STRBP: variants seen among roughly 807,000 people sequenced by gnomAD.
STRBP encodes spermatid perinuclear RNA binding protein, also known as spermatid perinuclear RNA-binding protein.
Under a neutral mutation model 80.1 loss-of-function variants are expected in STRBP, and 13 were observed. That is an observed-to-expected ratio of 0.16 (90% CI 0.11 to 0.26). The LOEUF (loss-of-function observed/expected upper bound fraction) is 0.26. Ranked by LOEUF, STRBP falls within the 10% of genes least tolerant of loss-of-function variation. The pLI is 1.00. For missense variants in STRBP, 485 were observed against 815.2 expected (o/e 0.59, Z 4.93); for synonymous variants, 284 against 291.2 (o/e 0.98, Z 0.25).
intron 8 of STRBP, among the ~76,000 whole-genome samples, chr9:123,160,030 G>C (rs775918119): frequency 5.3e-5 from 8 of 152,156 alleles, no homozygotes; most frequent in African/African-American, 7.2e-5. Flanking sequence ...GTCAGCCAAG[G>C]AGACTTTTGT....
Position 123,115,218 on chromosome 9 carries a change from G to A in STRBP, c.*84+711C>T, listed in dbSNP as rs1564204362. The A allele has an allele frequency of 2.1e-6, 1 of 471,022 alleles. No individual in the cohort carries two copies. Among genetic ancestry groups the A allele is most frequent in the Admixed American group, 2.3e-5 (1 of 42,578 alleles). 29.2% of individuals were successfully genotyped at this position (471,022 alleles called of 1,614,324 possible). On this transcript the variant is annotated intron_variant and NMD_transcript_variant, in intron 3 of 3. Transcript: ENST00000471564. The surrounding 1 kb of genome is among the most constrained non-coding windows in gnomAD (Gnocchi z 5.0). ...GGGCACACTCTCTCTGTGCATGCAT[G>A]CCAGGCCCGCCTCTGACTCCCCTCC...
intron 17 of STRBP, among the ~76,000 whole-genome samples, chr9:123,131,332 G>A (rs1036939382): frequency 2.0e-5 from 3 of 152,162 alleles, no homozygotes; most frequent in South Asian, 4.2e-4. Flanking sequence ...TCCAAACAAC[G>A]GCCTCCAGGT....
At chr9:123,208,455 G>C (rs551401776) in intron 2 of STRBP, among the ~76,000 whole-genome samples, 15 of 152,270 alleles carry the variant, frequency 9.9e-5, no homozygotes, top group Middle Eastern at 6.8e-3. Context: ...GAGGGTCCTA[G>C]AGTAGGACTT....
intron 1 of STRBP, among the ~76,000 whole-genome samples, chr9:123,242,219 T>C (rs145728774): frequency 4.5e-4 from 68 of 152,368 alleles, no homozygotes; most frequent in African/African-American, 1.6e-3. Flanking sequence ...TAGCACTTAA[T>C]TGAGGTATAT....
rs866969604 is a variant in STRBP, at chr9:123,263,690, G to A, written c.-302+4746C>T. Among the ~76,000 whole-genome samples, 8 of 152,100 alleles carry A rather than the reference G, an allele frequency of 5.3e-5. No homozygotes were observed. The Middle Eastern group carries it at 0.01, about 194-fold the overall frequency. ...TAGAGCATTACCTGTCAAAGCATACGGAAATACCAAATGATGGGTAATTAT... is the reference window on the plus strand; with the variant it reads ...TAGAGCATTACCTGTCAAAGCATACAGAAATACCAAATGATGGGTAATTAT... On this transcript the variant is annotated intron_variant, in intron 1 of 18. Coordinates refer to ENST00000348403, the MANE Select transcript of STRBP (RefSeq NM_018387.5).
chr9:123,187,757 C>G (rs544956808), intron 2 of STRBP, among the ~76,000 whole-genome samples: 2 of 93,392 alleles, frequency 2.1e-5, no homozygotes, highest in African/African-American at 8.5e-5. Context: ...CTCCCCACCA[C>G]CCACCACACA....
chr9:123,137,002 C>G (rs1264882611), intron 14 of STRBP, among the ~76,000 whole-genome samples: 3 of 152,174 alleles, frequency 2.0e-5, no homozygotes, highest in Non-Finnish European at 2.9e-5. Flanking sequence ...AAGGTAAAAA[C>G]AGTTGGCTAT....
At chr9:123,179,669 A>C (rs2038371839) in intron 3 of STRBP, among the ~76,000 whole-genome samples, 1 of 150,528 alleles carries the variant, frequency 6.6e-6, no homozygotes, top group Non-Finnish European at 1.5e-5. Flanking sequence ...CCAGCTACTG[A>C]GGAGGCAGAG....
intron 7 of STRBP, among the ~76,000 whole-genome samples, 178 bp from the exon 8 acceptor site, chr9:123,160,640 G>T (rs888839545): frequency 1.3e-5 from 2 of 152,072 alleles, no homozygotes; most frequent in Non-Finnish European, 2.9e-5. Context: ...AAAAATAAAA[G>T]GACCATAATA....
chr9:123,163,848 AAATTTT>A (rs1378627728), intron 6 of STRBP, among the ~76,000 whole-genome samples: 2 of 152,182 alleles, frequency 1.3e-5, no homozygotes, highest in African/African-American at 4.8e-5. Context: ...GTAGGCGTTT[AAATTTT>A]GAGGAGGATC....
In STRBP at chr9:123,110,366, C is replaced by G. The variant is rs1178369363; in HGVS notation, c.*85-613G>C. 6.0e-6 allele frequency: 1 copy of G among 167,366 alleles called. No homozygotes were observed. Among genetic ancestry groups the G allele is most frequent in the Non-Finnish European group, 1.5e-5 (1 of 68,202 alleles). 10.4% of individuals were successfully genotyped at this position (167,366 alleles called of 1,614,324 possible). On this transcript the variant is annotated intron_variant and NMD_transcript_variant, in intron 3 of 3. Transcript: ENST00000471564. This position sits in a 1 kb window ranked among gnomAD's most constrained non-coding sequence, Gnocchi z 4.1. ...CTGCCAAAGTACCCTTGGGAACAGG[C>G]CCATCAGCCTCACTGTTCCTGGAAG...
At chr9:123,174,786 A>G (rs16926223) in intron 4 of STRBP, among the ~76,000 whole-genome samples, 2,162 of 152,320 alleles carry the variant, frequency 0.014, 51 homozygotes, top group African/African-American at 0.049. Context: ...CAAAGAAATC[A>G]AGTCATAAAT....
At position 123,123,342 on chromosome 9, in the gene STRBP, G is replaced by C. The variant is rs757480152; in HGVS notation, c.*2255C>G. 3 of 985,212 alleles carry C rather than the reference G, an allele frequency of 3.0e-6. No individual in the cohort carries two copies. The Admixed American group carries it at 1.8e-4, about 61-fold the overall frequency. The allele number at this position is 985,212 out of a possible 1,614,324, so 61.0% of individuals were successfully genotyped here. Reference sequence around the variant, plus strand: ...GTGGAATTTTCATTACAAAATGGAAGGGTGGGAAGGGCAACAGGTGGGGGG... The same window carrying C: ...GTGGAATTTTCATTACAAAATGGAACGGTGGGAAGGGCAACAGGTGGGGGG... On this transcript the variant is annotated 3_prime_UTR_variant, in exon 19 of 19. Transcript: ENST00000348403.
intron 1 of STRBP, among the ~76,000 whole-genome samples, chr9:123,267,136 A>T (rs1335481773): frequency 1.0e-5 from 1 of 97,372 alleles, no homozygotes; most frequent in African/African-American, 5.3e-5. Context: ...TTTGCCCTCC[A>T]CCTCACACAC....
chr9:123,161,646 T>A (rs2037527917), intron 6 of STRBP, among the ~76,000 whole-genome samples: 1 of 152,188 alleles, frequency 6.6e-6, no homozygotes, highest in African/African-American at 2.4e-5. Flanking sequence ...CAAGTATCAG[T>A]TTGGAATTCC....
intron 2 of STRBP, among the ~76,000 whole-genome samples, chr9:123,229,900 AAAAT>A (rs1268185877): frequency 4.6e-5 from 7 of 152,240 alleles, no homozygotes; most frequent in African/African-American, 1.4e-4. Flanking sequence ...TGAATTTTAA[AAAAT>A]AAATAAGATC....
chr9:123,192,522 C>G (rs2038959031), intron 2 of STRBP, among the ~76,000 whole-genome samples: 1 of 152,110 alleles, frequency 6.6e-6, no homozygotes, highest in Non-Finnish European at 1.5e-5. Context: ...ATCATTTGAG[C>G]TCAGGGGAGG....
intron 2 of STRBP, among the ~76,000 whole-genome samples, chr9:123,231,230 T>C (rs774010760): frequency 2.4e-4 from 36 of 152,300 alleles, no homozygotes; most frequent in African/African-American, 7.0e-4. Context: ...CTTTCACCTG[T>C]TATTAGCAGC....
At chr9:123,140,849 A>G (rs759246581) in intron 13 of STRBP, among the ~76,000 whole-genome samples, 25 of 152,204 alleles carry the variant, frequency 1.6e-4, no homozygotes, top group Non-Finnish European at 3.1e-4. Context: ...GTGCACAGGC[A>G]TGCTCACACA....
Sources: allele counts gnomAD v4.1 joint callset (sites outside exome capture counted in the v4.1 genomes callset), GRCh38; gene constraint gnomAD v4.1.1; non-coding constraint Gnocchi (gnomAD v3.1); transcripts MANE v1.5; gene names NCBI Gene and HGNC (gene_info 2026-07-23, HGNC 2026-07-21).